The following BCL11B variants were observed in gnomAD, a reference collection of about 807,000 sequenced individuals.
The protein encoded by BCL11B is BCL11 transcription factor B.
A neutral mutation model predicts 49.9 loss-of-function variants in BCL11B; 8 were observed. The ratio of observed to expected loss-of-function variants is 0.16; its 90% confidence interval spans 0.09 to 0.29. BCL11B has a LOEUF of 0.29. Among genes scored for constraint, BCL11B ranks in the 10% least tolerant of loss-of-function variants. The pLI, the probability that BCL11B is intolerant of heterozygous loss-of-function variation, is 1.00. For synonymous variants in BCL11B, 739 were observed against 637.4 expected (o/e 1.16, Z -2.40); for missense variants, 1,006 against 1,351.0 (o/e 0.74, Z 4.00).
chr14:99,177,063 T>C (rs1402102532), intron 3 of BCL11B, among the ~76,000 whole-genome samples: 1 of 151,902 alleles, frequency 6.6e-6, no homozygotes, highest in Non-Finnish European at 1.5e-5. Context: ...ACAGAAAAAA[T>C]TTAACATGCT....
In BCL11B at chr14:99,174,051, G is replaced by T; in HGVS notation, c.*100C>A. 4 of 1,253,028 alleles carry T rather than the reference G, an allele frequency of 3.2e-6. No individual in the cohort carries two copies. The highest frequency in any genetic ancestry group is 4.4e-6 in the Non-Finnish European group (4 of 903,052). 77.6% of individuals were successfully genotyped at this position (1,253,028 alleles called of 1,614,324 possible). A position where few individuals can be genotyped will look rare whatever the true frequency, so the allele number is the denominator to read the frequency against. On this transcript the variant is annotated 3_prime_UTR_variant, in exon 4 of 4. Transcript: ENST00000357195. ...CCTCCCCTGGGCCCCGGGGACACGC[G>T]GGGTGCGGGGTGGCGGTGACACGGA...
rs994894671 is a variant in BCL11B, at chr14:99,231,634, G to A, written c.428-77C>T. 37 of 1,417,216 alleles carry A rather than the reference G, an allele frequency of 2.6e-5. 1 individual carries two copies. Among genetic ancestry groups the A allele is most frequent in the African/African-American group, 7.1e-5 (5 of 70,406 alleles). The allele number at this position is 1,417,216 out of a possible 1,614,324, so 87.8% of individuals were successfully genotyped here. ...AGGGGCACGGGGTGGGACGGGGCTC[G>A]GGGCGTGGGGCTCTGCTCAGGCCAC... is the stretch of plus-strand genomic sequence containing the variant. On this transcript the variant is annotated intron_variant, in intron 2 of 3. Coordinates refer to ENST00000357195, the MANE Select transcript of BCL11B (RefSeq NM_138576.4). The surrounding 1 kb of genome is among the most constrained non-coding windows in gnomAD (Gnocchi z 8.1).
chr14:99,224,034 G>A (rs894710484), intron 3 of BCL11B, among the ~76,000 whole-genome samples: 9 of 152,210 alleles, frequency 5.9e-5, no homozygotes, highest in Middle Eastern at 3.2e-3. Context: ...CAAGGACCCC[G>A]TCATGCCCAT....
At chr14:99,259,750 A>C (rs1366395690) in intron 1 of BCL11B, among the ~76,000 whole-genome samples, 1 of 152,232 alleles carries the variant, frequency 6.6e-6, no homozygotes, top group Non-Finnish European at 1.5e-5. Context: ...ATAGGAGTTT[A>C]CTTAAAAATG....
At chr14:99,229,224 G>C (rs1888258248) in intron 3 of BCL11B, among the ~76,000 whole-genome samples, 1 of 152,192 alleles carries the variant, frequency 6.6e-6, no homozygotes, top group South Asian at 2.1e-4. Flanking sequence ...TGCAAAGTGA[G>C]GAGAATAAAG....
At chr14:99,197,250 G>C (rs997085916) in intron 3 of BCL11B, among the ~76,000 whole-genome samples, 3 of 152,148 alleles carry the variant, frequency 2.0e-5, no homozygotes, top group Non-Finnish European at 4.4e-5. Context: ...ATGAGCAGAT[G>C]AGTAAGAAAA....
At chr14:99,270,845 G>C (rs1185457484) in intron 1 of BCL11B, among the ~76,000 whole-genome samples, 1 of 149,466 alleles carries the variant, frequency 6.7e-6, no homozygotes, top group Non-Finnish European at 1.5e-5. Flanking sequence ...GGAGGGGCGA[G>C]CGTCCAGCCG....
chr14:99,230,776 C>T (rs1236482379), intron 3 of BCL11B, among the ~76,000 whole-genome samples: 2 of 152,082 alleles, frequency 1.3e-5, no homozygotes, highest in Non-Finnish European at 2.9e-5. Flanking sequence ...TCAGCCCCCG[C>T]CCCCACCCCT....
chr14:99,271,748 TA>T lies in BCL11B; in HGVS notation c.-531del, dbSNP rs1400154958. Among the ~76,000 whole-genome samples the T allele has an allele frequency of 7.3e-5, 10 of 137,356 alleles. No individual in the cohort carries two copies. The highest frequency in any genetic ancestry group is 3.2e-5 in the Non-Finnish European group (2 of 62,804). 90.1% of individuals were successfully genotyped at this position (137,356 alleles called of 152,430 possible). Reference sequence around the variant, plus strand: ...GGAGGGGAAAAAAAATGCAAACAAATAAAAAAATAAAAGAAGAAAAAGCAAA... The same window carrying T: ...GGAGGGGAAAAAAAATGCAAACAAATAAAAAATAAAAGAAGAAAAAGCAAA... On this transcript the variant is annotated 5_prime_UTR_variant, in exon 1 of 4. Coordinates refer to ENST00000357195, the MANE Select transcript of BCL11B (RefSeq NM_138576.4).
At chr14:99,204,675 G>C (rs1475531416) in intron 3 of BCL11B, among the ~76,000 whole-genome samples, 1 of 152,164 alleles carries the variant, frequency 6.6e-6, no homozygotes, top group East Asian at 1.9e-4. Context: ...AGCCTAACAA[G>C]AGTGTCTAGA....
chr14:99,171,350 G>T lies in BCL11B; in HGVS notation c.*2801C>A. The T allele has an allele frequency of 4.5e-6, 1 of 220,336 alleles. No individual in the cohort carries two copies. 13.6% of individuals were successfully genotyped at this position (220,336 alleles called of 1,614,324 possible). On this transcript the variant is annotated 3_prime_UTR_variant, in exon 4 of 4. Coordinates refer to ENST00000357195, the MANE Select transcript of BCL11B (RefSeq NM_138576.4). The stretch of plus-strand genomic sequence containing the variant: ...GTACAATAGGACTTAACATACAAAT[G>T]TGTTTTTTTTGCAATATTTTATCCT...
Position 99,184,811 on chromosome 14 carries a change from C to T in BCL11B, c.641-8616G>A, listed in dbSNP as rs1886805893. ...GAGGCTGCACACAGCGAGAAAACCTCGCTCACCCCATAGTGTTGGGTGACC... is the reference window on the plus strand; with the variant it reads ...GAGGCTGCACACAGCGAGAAAACCTTGCTCACCCCATAGTGTTGGGTGACC... On this transcript the variant is annotated intron_variant, in intron 3 of 3. Transcript: ENST00000357195. The surrounding 1 kb of genome is among the most constrained non-coding windows in gnomAD (Gnocchi z 6.1). 1.3e-5 allele frequency among the ~76,000 whole-genome samples: 2 copies of T among 152,222 alleles called. No homozygotes were observed. The highest frequency in any genetic ancestry group is 2.9e-5 in the Non-Finnish European group (2 of 68,046).
In BCL11B at chr14:99,175,040, A is replaced by G. The variant is rs1306526341; in HGVS notation, c.1796T>C (p.Met599Thr). 6.3e-7 allele frequency: 1 copy of G among 1,597,126 alleles called. No individual in the cohort carries two copies. Among genetic ancestry groups the G allele is most frequent in the Non-Finnish European group, 8.5e-7 (1 of 1,176,892 alleles). ...CAGTGCGCCTAGGCCCACGTTCTCCATGACCTTGCCCAGCACCAGCGCCTT... is the reference window on the plus strand; with the variant it reads ...CAGTGCGCCTAGGCCCACGTTCTCCGTGACCTTGCCCAGCACCAGCGCCTT... ...DEKALVLGKV[M>T]ENVGLGALPQ... The change falls in exon 4 of 4, where the codon ATG (methionine) becomes ACG (threonine). Residue 599 changes from methionine (M) to threonine (T), a missense_variant. This residue lies in a region of BCL11B where 443 missense variants were observed against 499.7 expected (regional missense o/e 0.89). Transcript: ENST00000357195.
At chr14:99,176,291 G>C (rs1886527561) in intron 3 of BCL11B, 96 bp from the exon 4 acceptor site, 1 of 1,157,178 alleles carries the variant, frequency 8.6e-7, no homozygotes, top group East Asian at 2.8e-5. Context: ...ACGCGGCCCG[G>C]GCTGATCCGG....
At chr14:99,190,765 C>T (rs377325542) in intron 3 of BCL11B, among the ~76,000 whole-genome samples, 4 of 152,296 alleles carry the variant, frequency 2.6e-5, no homozygotes, top group Admixed American at 6.5e-5. Flanking sequence ...TTCTAAAGCT[C>T]GGCATGGCAA....
intron 3 of BCL11B, among the ~76,000 whole-genome samples, chr14:99,197,497 AT>A (rs374674959): frequency 2.6e-5 from 4 of 151,716 alleles, no homozygotes; most frequent in Non-Finnish European, 4.4e-5. Flanking sequence ...TGGAAAGAGA[AT>A]TTTTTTTTCA....
At chr14:99,176,596 G>C (rs990521441) in intron 3 of BCL11B, among the ~76,000 whole-genome samples, 1 of 152,190 alleles carries the variant, frequency 6.6e-6, no homozygotes, top group African/African-American at 2.4e-5. Flanking sequence ...CCCAGCCCTC[G>C]AGGATGCTCC....
intron 3 of BCL11B, among the ~76,000 whole-genome samples, chr14:99,227,419 T>C (rs1888189612): frequency 6.6e-6 from 1 of 152,112 alleles, no homozygotes; most frequent in Non-Finnish European, 1.5e-5. Context: ...GGGAAATGAC[T>C]ACATGGGGCA....
At chr14:99,204,997 G>A (rs1032767055) in intron 3 of BCL11B, among the ~76,000 whole-genome samples, 10 of 152,156 alleles carry the variant, frequency 6.6e-5, no homozygotes, top group African/African-American at 2.4e-4. Flanking sequence ...CCCTGTCCTT[G>A]GATGGAGGGG....
Sources: allele counts gnomAD v4.1 joint callset (sites outside exome capture counted in the v4.1 genomes callset), GRCh38; gene constraint gnomAD v4.1.1; regional missense constraint gnomAD v4.1.1; non-coding constraint Gnocchi (gnomAD v3.1); transcripts MANE v1.5; gene names NCBI Gene and HGNC (gene_info 2026-07-23, HGNC 2026-07-21).